Variants in LIPH observed in about 807,000 individuals in gnomAD.
LIPH encodes lipase H.
A neutral mutation model predicts 47.6 loss-of-function variants in LIPH; 32 were observed. The ratio of observed to expected loss-of-function variants is 0.67; its 90% CI spans 0.51 to 0.90. The LOEUF is 0.90. Among genes scored for constraint, LIPH ranks in the 40% least tolerant of loss-of-function variants. The pLI, the probability that LIPH is intolerant of heterozygous loss-of-function variation, is 0.00. For missense variants in LIPH, 497 were observed against 541.4 expected (o/e 0.92, Z 0.81); for synonymous variants, 190 against 195.6 (o/e 0.97, Z 0.24).
At position 185,506,830 on chromosome 3, in the gene LIPH, TAAAAAAAAAAAAAAAAA is replaced by T. The variant is rs58962402; in HGVS notation, c.*1943_*1959del. ...CTGGGTAACAGAAGGAGACTCCATC[TAAAAAAAAAAAAAAAAA>T]AAAAAAAAAAAAACCAGGGCCTACA... is the stretch of plus-strand genomic sequence containing the variant. On this transcript the variant is annotated 3_prime_UTR_variant, in exon 10 of 10. Transcript: ENST00000296252. 327 of 50,132 alleles carry T rather than the reference TAAAAAAAAAAAAAAAAA, an allele frequency of 6.5e-3. 3 individuals are homozygous for T. The highest frequency in any genetic ancestry group is 0.025 in the African/African-American group (305 of 11,996). 3.1% of individuals were successfully genotyped at this position (50,132 alleles called of 1,614,324 possible). A position where few individuals can be genotyped will look rare whatever the true frequency, so the allele number is the denominator to read the frequency against.
At chr3:185,508,981 T>A (rs1719469608) in intron 9 of LIPH, 104 bp from the exon 10 acceptor site, 1 of 807,604 alleles carries the variant, frequency 1.2e-6, no homozygotes, top group Non-Finnish European at 2.1e-6. Flanking sequence ...TAGCAATTGT[T>A]TTTAATATAG....
Position 185,508,542 on chromosome 3 carries a change from A to C in LIPH, c.*248T>G, listed in dbSNP as rs913055646. On this transcript the variant is annotated 3_prime_UTR_variant, in exon 10 of 10. Transcript: ENST00000296252. ...AACAAGGGAGGCCCCAGGACACAGC[A>C]GACACAGCGCTGCGCTGCTGCGAGC... The C allele has an allele frequency of 4.7e-5, 24 of 508,414 alleles. No individual in the cohort carries two copies. The highest frequency in any genetic ancestry group is 3.3e-4 in the African/African-American group (17 of 51,744). The allele number at this position is 508,414 out of a possible 1,614,324, so 31.5% of individuals were successfully genotyped here.
intron 7 of LIPH, among the ~76,000 whole-genome samples, chr3:185,516,133 CA>C (rs1292027214): frequency 6.6e-6 from 1 of 150,850 alleles, no homozygotes; most frequent in Non-Finnish European, 1.5e-5. Flanking sequence ...GACCCTGTCT[CA>C]AAAAAAAATT....
At chr3:185,532,436 G>T (rs974153340) in intron 3 of LIPH, among the ~76,000 whole-genome samples, 6 of 151,984 alleles carry the variant, frequency 3.9e-5, no homozygotes, top group African/African-American at 1.5e-4. Flanking sequence ...CTTGTGCCTG[G>T]GGGGGCGTTG....
chr3:185,551,961 T>A (rs1280087826), intron 1 of LIPH, among the ~76,000 whole-genome samples: 3 of 152,022 alleles, frequency 2.0e-5, no homozygotes, highest in Non-Finnish European at 2.9e-5. Flanking sequence ...TTATGTTTTC[T>A]CTAAGAATAA....
Position 185,506,358 on chromosome 3 carries a change from A to G in LIPH, c.*2432T>C, listed in dbSNP as rs1719379577. The G allele has an allele frequency of 6.6e-6, 1 of 152,126 alleles. No homozygotes were observed. The allele number at this position is 152,126 out of a possible 1,614,324, so 9.4% of individuals were successfully genotyped here. A position where few individuals can be genotyped will look rare whatever the true frequency, so the allele number is the denominator to read the frequency against. On this transcript the variant is annotated 3_prime_UTR_variant, in exon 10 of 10. Transcript: ENST00000296252. ...GTGAACAAACTTCCTTTCTTTATCC[A>G]TTCATTCACCCATCTACCCATCCTA...
chr3:185,545,373 A>G (rs146288456), intron 1 of LIPH, among the ~76,000 whole-genome samples: 39 of 152,354 alleles, frequency 2.6e-4, no homozygotes, highest in Admixed American at 2.5e-3. Context: ...ATCTCACTGT[A>G]ACTTCTTTAG....
At chr3:185,540,489 G>A (rs1015837623) in intron 1 of LIPH, among the ~76,000 whole-genome samples, 1 of 151,828 alleles carries the variant, frequency 6.6e-6, no homozygotes, top group Non-Finnish European at 1.5e-5. Context: ...AGGCCAAGGC[G>A]GGTGGATCAC....
chr3:185,529,201 G>A (rs13094283), intron 3 of LIPH, among the ~76,000 whole-genome samples: 481 of 98,678 alleles, frequency 4.9e-3, no homozygotes, highest in East Asian at 0.011. Flanking sequence ...AAGAAAAAAA[G>A]AAAAAGAAAA....
intron 1 of LIPH, among the ~76,000 whole-genome samples, chr3:185,539,331 C>G (rs533947427): frequency 6.6e-6 from 1 of 151,626 alleles, no homozygotes; most frequent in South Asian, 2.1e-4. Flanking sequence ...GTGTCTTTAT[C>G]CTTTTCACCT....
In LIPH at chr3:185,552,549, ATTTT is replaced by A; in HGVS notation, c.-82_-79del. ...GAGGCTTAAGAGTTTCCACTGTGGG[ATTTT>A]GCTCACAGTGAGCTCAGACGACTCA... On this transcript the variant is annotated 5_prime_UTR_variant, in exon 1 of 10. Coordinates refer to ENST00000296252, the MANE Select transcript of LIPH (RefSeq NM_139248.3). 2.0e-4 allele frequency: 220 copies of A among 1,078,564 alleles called. No homozygotes were observed. The highest frequency in any genetic ancestry group is 3.0e-4 in the Non-Finnish European group (207 of 693,370). The allele number at this position is 1,078,564 out of a possible 1,614,324, so 66.8% of individuals were successfully genotyped here.
At chr3:185,520,658 G>A (rs1719875150) in intron 5 of LIPH, among the ~76,000 whole-genome samples, 1 of 152,064 alleles carries the variant, frequency 6.6e-6, no homozygotes, top group Non-Finnish European at 1.5e-5. Flanking sequence ...TCACTCCCCT[G>A]CCACATTTAT....
intron 3 of LIPH, among the ~76,000 whole-genome samples, chr3:185,529,327 T>C (rs558929393): frequency 9.9e-4 from 149 of 150,946 alleles, no homozygotes; most frequent in African/African-American, 2.0e-3. Flanking sequence ...TGTCTATGAA[T>C]GTCATTTTAT....
chr3:185,525,819 T>A (rs566960163), intron 4 of LIPH, among the ~76,000 whole-genome samples: 1 of 152,248 alleles, frequency 6.6e-6, no homozygotes, highest in African/African-American at 2.4e-5. Context: ...AGAATGCCAC[T>A]GTTTCACAAA....
chr3:185,507,522 T>TC lies in LIPH; in HGVS notation c.*1267dup, dbSNP rs1204264379. Reference sequence around the variant, plus strand: ...CCACAGCCATGGGACAGATCATGCCTCCCCTCACACTGGGCATCTGGCCCC... The same window carrying TC: ...CCACAGCCATGGGACAGATCATGCCTCCCCCTCACACTGGGCATCTGGCCCC... On this transcript the variant is annotated 3_prime_UTR_variant, in exon 10 of 10. Transcript: ENST00000296252. The TC allele has an allele frequency of 2.0e-5, 3 of 152,218 alleles. No homozygotes were observed. The highest frequency in any genetic ancestry group is 4.1e-4 in the South Asian group (2 of 4,828). 9.4% of individuals were successfully genotyped at this position (152,218 alleles called of 1,614,324 possible). A position where few individuals can be genotyped will look rare whatever the true frequency, so the allele number is the denominator to read the frequency against.
At chr3:185,527,675 G>A in intron 3 of LIPH, 90 bp from the exon 4 acceptor site, 1 of 825,678 alleles carries the variant, frequency 1.2e-6, no homozygotes, top group Non-Finnish European at 2.1e-6. Flanking sequence ...GTGGCTCCCA[G>A]GCTGCAGGGC....
At chr3:185,520,806 G>A (rs1719879275) in intron 5 of LIPH, among the ~76,000 whole-genome samples, 1 of 151,246 alleles carries the variant, frequency 6.6e-6, no homozygotes, top group Admixed American at 6.6e-5. Flanking sequence ...CAGCATTGTG[G>A]CATTTAAAAA....
At chr3:185,520,606 G>A (rs1245022298) in intron 5 of LIPH, among the ~76,000 whole-genome samples, 1 of 151,944 alleles carries the variant, frequency 6.6e-6, no homozygotes, top group Non-Finnish European at 1.5e-5. Context: ...CTTAGAGAAA[G>A]GTTGAAAAAT....
intron 7 of LIPH, 62 bp downstream of exon 7, chr3:185,517,005 G>T: frequency 9.2e-7 from 1 of 1,085,702 alleles, no homozygotes; most frequent in Non-Finnish European, 1.4e-6. Context: ...CCAGGAAGCT[G>T]AGACTCAGCC....
Sources: gnomAD v4.1 joint callset for allele counts (sites outside exome capture counted in the v4.1 genomes callset) on GRCh38, gnomAD v4.1.1 for gene constraint, MANE v1.5 for transcripts, NCBI Gene and HGNC (gene_info 2026-07-23, HGNC 2026-07-21) for gene names.